The following BCL11A variants were observed in gnomAD, a reference collection of about 807,000 sequenced individuals.
BCL11A encodes the protein B cell CLL/lymphoma 11A.
Under a neutral mutation model 55.9 loss-of-function variants are expected in BCL11A, and 2 were observed. That is an observed-to-expected ratio of 0.04 (90% CI 0.01 to 0.11). The LOEUF is 0.11. BCL11A is among the 10% of genes least tolerant of loss of function. The probability of loss-of-function intolerance (pLI) is 1.00; values close to 1 mark genes in which losing one functional copy is unlikely to be tolerated. For missense variants in BCL11A, 817 were observed against 1,137.1 expected (o/e 0.72, Z 4.05); for synonymous variants, 465 against 473.4 (o/e 0.98, Z 0.23).
chr2:60,515,624 G>C (rs1017608022), intron 2 of BCL11A, among the ~76,000 whole-genome samples: 10 of 152,194 alleles, frequency 6.6e-5, no homozygotes, highest in Admixed American at 2.6e-4. Context: ...ACTAGAAGGA[G>C]ATACAGAAAC....
chr2:60,527,419 A>G (rs971944374), intron 2 of BCL11A: 1 of 152,282 alleles, frequency 6.6e-6, no homozygotes, highest in African/African-American at 2.4e-5. Flanking sequence ...TGTAGAGACA[A>G]TGAAGAGGGC....
chr2:60,551,736 C>T (rs1053440561), intron 1 of BCL11A, among the ~76,000 whole-genome samples: 4 of 151,382 alleles, frequency 2.6e-5, no homozygotes, highest in African/African-American at 9.7e-5. Flanking sequence ...CAGGCTGGCG[C>T]GGAGACACTG....
chr2:60,540,946 T>TTGCG (rs1669894257), intron 2 of BCL11A, among the ~76,000 whole-genome samples: 1 of 140,216 alleles, frequency 7.1e-6, no homozygotes, highest in African/African-American at 2.7e-5. Context: ...AGCACTGGTT[T>TTGCG]TGTGTGTGTG....
At chr2:60,550,996 C>G in intron 1 of BCL11A, 1 of 324,122 alleles carries the variant, frequency 3.1e-6, no homozygotes, top group Non-Finnish European at 5.5e-6. Flanking sequence ...GAGGGCCGCG[C>G]AACGTGCCGG....
downstream of BCL11A, among the ~76,000 whole-genome samples, chr2:60,457,004 T>C (rs183118734): frequency 2.4e-4 from 37 of 152,324 alleles, no homozygotes; most frequent in East Asian, 5.8e-4. Context: ...CTTAAAACTA[T>C]GTCCAGGGTT....
intron 2 of BCL11A, among the ~76,000 whole-genome samples, chr2:60,529,489 T>C (rs1336063394): frequency 6.6e-6 from 1 of 152,198 alleles, no homozygotes; most frequent in Non-Finnish European, 1.5e-5. Flanking sequence ...AGAAAGAAGA[T>C]ACATCATATG....
intron 3 of BCL11A, among the ~76,000 whole-genome samples, chr2:60,467,332 A>G (rs867909809): frequency 0.027 from 439 of 16,292 alleles, no homozygotes; most frequent in Admixed American, 0.035. Flanking sequence ...TGGTGGTGGT[A>G]GTGATGGTGG....
exon 5 of BCL11A, chr2:60,452,031 A>G (rs1675743744): frequency 4.4e-6 from 1 of 226,758 alleles, no homozygotes; most frequent in African/African-American, 2.2e-5. Flanking sequence ...TCTCCTGCCC[A>G]TTTCTCAAAT....
At chr2:60,452,528 G>C (rs764397082), downstream of BCL11A, 4 of 1,471,366 alleles carry the variant, frequency 2.7e-6, no homozygotes, top group Middle Eastern at 2.0e-4. Context: ...CGCTGACGTC[G>C]ACTGGGCGGC....
downstream of BCL11A, chr2:60,452,722 G>A (rs2103745214): frequency 7.2e-7 from 1 of 1,389,036 alleles, no homozygotes; most frequent in East Asian, 2.3e-5. Flanking sequence ...GTGTGACTTG[G>A]CCCAATGATT....
chr2:60,519,106 C>T (rs1391815140), intron 2 of BCL11A, among the ~76,000 whole-genome samples: 4 of 152,174 alleles, frequency 2.6e-5, no homozygotes, highest in African/African-American at 9.7e-5. Flanking sequence ...CTGGTAGGTA[C>T]TACCAAACCA....
At chr2:60,453,340 C>T (rs558217356), downstream of BCL11A, among the ~76,000 whole-genome samples, 3 of 152,322 alleles carry the variant, frequency 2.0e-5, no homozygotes, top group South Asian at 6.2e-4. Flanking sequence ...GGGGTTCCTC[C>T]CTTGCTGTGG....
intron 3 of BCL11A, among the ~76,000 whole-genome samples, chr2:60,467,405 GTGATGGTACTGGTGA>G (rs1314543363): frequency 9.5e-5 from 2 of 21,032 alleles, no homozygotes; most frequent in African/African-American, 5.0e-4. Flanking sequence ...GATGGTGATG[GTGATGGTACTGGTGA>G]TGGTGGTGGT....
Position 60,553,337 on chromosome 2 carries a change from A to T in BCL11A, c.-67T>A. The T allele has an allele frequency of 6.7e-7, 1 of 1,485,834 alleles. No individual in the cohort carries two copies. The highest frequency in any genetic ancestry group is 9.0e-7 in the Non-Finnish European group (1 of 1,105,672). The allele number at this position is 1,485,834 out of a possible 1,614,324, so 92.0% of individuals were successfully genotyped here. A position where few individuals can be genotyped will look rare whatever the true frequency, so the allele number is the denominator to read the frequency against. ...GCGGGCGGACGACGGCTCGGTTCAC[A>T]TCGGGAGAGCCGGGTTAGAAAGAAG... On this transcript the variant is annotated 5_prime_UTR_variant, in exon 1 of 4. The change abolishes an upstream ATG in the 5' untranslated region. Coordinates refer to ENST00000642384, the MANE Select transcript of BCL11A (RefSeq NM_022893.4).
Position 60,466,696 on chromosome 2 carries a change from C to T in BCL11A, c.487+2036G>A, listed in dbSNP as rs1676636898. Among the ~76,000 whole-genome samples, 4 of 152,184 alleles carry T rather than the reference C, an allele frequency of 2.6e-5. No homozygotes were observed. The South Asian group carries it at 6.2e-4, about 24-fold the overall frequency. ...AAGATGGGTAAGTGTCATCTCCCTC[C>T]CATCTAAAAACAGTCCCCCTTAGAG... On this transcript the variant is annotated intron_variant, in intron 3 of 3. Coordinates refer to ENST00000642384, the MANE Select transcript of BCL11A (RefSeq NM_022893.4).
At chr2:60,521,656 G>T (rs1170182458) in intron 2 of BCL11A, among the ~76,000 whole-genome samples, 1 of 152,114 alleles carries the variant, frequency 6.6e-6, no homozygotes, top group Non-Finnish European at 1.5e-5. Context: ...CGTGTTCTTT[G>T]TCCCCTTCTT....
intron 2 of BCL11A, among the ~76,000 whole-genome samples, chr2:60,492,807 T>C (rs1678718705): frequency 6.6e-6 from 1 of 152,242 alleles, no homozygotes; most frequent in Non-Finnish European, 1.5e-5. Context: ...TGTTTTGTTT[T>C]GTTTCGCTTT....
At chr2:60,549,335 G>T (rs1670289174) in intron 1 of BCL11A, among the ~76,000 whole-genome samples, 1 of 152,240 alleles carries the variant, frequency 6.6e-6, no homozygotes, top group Non-Finnish European at 1.5e-5. Context: ...AGCGGAGGGG[G>T]AGGGGGAAAG....
chr2:60,518,599 T>C (rs537213004), intron 2 of BCL11A, among the ~76,000 whole-genome samples: 5 of 152,052 alleles, frequency 3.3e-5, no homozygotes, highest in Admixed American at 6.5e-5. Context: ...GAAGCATTGC[T>C]CTAGATCTGA....
Sources: gnomAD v4.1 joint callset for allele counts (sites outside exome capture counted in the v4.1 genomes callset) on GRCh38, gnomAD v4.1.1 for gene constraint, MANE v1.5 for transcripts, NCBI Gene and HGNC (gene_info 2026-07-23, HGNC 2026-07-21) for gene names.